ODAD2: variants seen among roughly 807,000 people sequenced by gnomAD.
ODAD2 encodes outer dynein arm docking complex subunit 2.
In ODAD2, 89 loss-of-function variants were observed where a neutral mutation model predicts 106.8. The observed-to-expected ratio is 0.83, with a 90% CI of 0.70 to 0.99. The LOEUF is 0.99. Ranked by LOEUF, ODAD2 falls within the 50% of genes least tolerant of loss-of-function variation. ODAD2 has a pLI of 0.00. For missense variants in ODAD2, 1,168 were observed against 1,238.5 expected (o/e 0.94, Z 0.85); for synonymous variants, 404 against 436.2 (o/e 0.93, Z 0.92).
At chr10:27,964,542 C>G (rs1435019050) in intron 9 of ODAD2, among the ~76,000 whole-genome samples, 1 of 152,190 alleles carries the variant, frequency 6.6e-6, no homozygotes, top group Non-Finnish European at 1.5e-5. Context: ...TTGAAGAATG[C>G]TGTCTTTCGG....
chr10:27,828,269 T>A (rs935689982), intron 19 of ODAD2, among the ~76,000 whole-genome samples: 1 of 152,162 alleles, frequency 6.6e-6, no homozygotes, highest in Non-Finnish European at 1.5e-5. Flanking sequence ...TTCCCTGATA[T>A]GATGATTTCC....
chr10:27,841,282 T>C (rs1838286655), intron 19 of ODAD2, among the ~76,000 whole-genome samples: 1 of 152,222 alleles, frequency 6.6e-6, no homozygotes, highest in South Asian at 2.1e-4. Context: ...TAATTCTTCC[T>C]GTTCCCTTAA....
chr10:27,911,633 C>T (rs1844022151), intron 16 of ODAD2, among the ~76,000 whole-genome samples: 1 of 152,200 alleles, frequency 6.6e-6, no homozygotes, highest in Non-Finnish European at 1.5e-5. Context: ...TTGCTGTTTC[C>T]CAGCCATCTC....
Position 27,935,016 on chromosome 10 carries a change from C to G in ODAD2, c.2489G>C (p.Ser830Thr), listed in dbSNP as rs1845863925. 2 of 1,613,820 alleles carry G rather than the reference C, an allele frequency of 1.2e-6. No individual in the cohort carries two copies. Among genetic ancestry groups the G allele is most frequent in the African/African-American group, 1.3e-5 (1 of 74,922 alleles). Residue 830 changes from serine to threonine, a missense_variant, in exon 16 of 20, where the codon AGT becomes ACT. By Grantham distance (58) the Ser-to-Thr change is moderately conservative. Around this residue, in one of 3 missense-constraint regions of ODAD2, gnomAD observed 701 missense variants for 712.3 expected, o/e 0.98. Coordinates refer to ENST00000305242, the MANE Select transcript of ODAD2 (RefSeq NM_018076.5). Reference sequence around the variant, plus strand: ...CATCTCCAGGGCCACTTACATCATACTTTCAGGTTCTACTGCACAAGCACC... The same window carrying G: ...CATCTCCAGGGCCACTTACATCATAGTTTCAGGTTCTACTGCACAAGCACC... ...AVGACAVEPE[S>T]MMIIDRLDGV...
intron 19 of ODAD2, among the ~76,000 whole-genome samples, chr10:27,836,843 G>A (rs923747819): frequency 1.4e-4 from 21 of 152,144 alleles, no homozygotes; most frequent in African/African-American, 2.4e-5. Flanking sequence ...AATTATCAGA[G>A]CAAAAACTTG....
At position 27,822,009 on chromosome 10, in the gene ODAD2, A is replaced by G. The variant is rs61097928; in HGVS notation, c.3022-9384T>C. On this transcript the variant is annotated intron_variant, in intron 19 of 19. Coordinates refer to ENST00000305242, the MANE Select transcript of ODAD2 (RefSeq NM_018076.5). ...GCACTTTAAAACATCATTCAAACAA[A>G]TAACTTTTTACAACACTGGAGTGAA... Among the ~76,000 whole-genome samples, 1,288 of 152,298 alleles carry G rather than the reference A, an allele frequency of 8.5e-3. 18 individuals carry two copies. Among genetic ancestry groups the G allele is most frequent in the African/African-American group, 0.03 (1,233 of 41,554 alleles).
At chr10:27,902,193 C>T (rs1843257321) in intron 17 of ODAD2, among the ~76,000 whole-genome samples, 2 of 152,142 alleles carry the variant, frequency 1.3e-5, no homozygotes. Context: ...GAACAACCTG[C>T]TCCTGAATGA....
chr10:27,930,712 T>C (rs1387686260), intron 16 of ODAD2, among the ~76,000 whole-genome samples: 2 of 152,164 alleles, frequency 1.3e-5, no homozygotes, highest in Non-Finnish European at 2.9e-5. Context: ...TATACTGTTT[T>C]AACAGCCTTG....
Position 27,932,419 on chromosome 10 carries a change from C to T in ODAD2, c.2495+2591G>A, listed in dbSNP as rs189388160. On this transcript the variant is annotated intron_variant, in intron 16 of 19. Coordinates refer to ENST00000305242, the MANE Select transcript of ODAD2 (RefSeq NM_018076.5). ...AAATATTAAAAATTTCTAAGTTGAA[C>T]GATCATAAGTTGGGACCATCTGTAT... 1.4e-3 allele frequency among the ~76,000 whole-genome samples: 214 copies of T among 152,092 alleles called. 1 individual carries two copies. Among genetic ancestry groups the T allele is most frequent in the Non-Finnish European group, 1.2e-3 (80 of 67,988 alleles).
chr10:27,928,685 G>A (rs1218428010), intron 16 of ODAD2, among the ~76,000 whole-genome samples: 1 of 151,988 alleles, frequency 6.6e-6, no homozygotes, highest in Non-Finnish European at 1.5e-5. Flanking sequence ...CAATCAAGAG[G>A]CAAAATCATC....
intron 16 of ODAD2, among the ~76,000 whole-genome samples, chr10:27,926,733 T>C (rs1029489322): frequency 1.3e-5 from 2 of 152,166 alleles, no homozygotes; most frequent in African/African-American, 4.8e-5. Context: ...GAAAAATAAA[T>C]CATAGATATT....
chr10:27,823,638 T>C (rs1482002244), intron 19 of ODAD2, among the ~76,000 whole-genome samples: 1 of 152,264 alleles, frequency 6.6e-6, no homozygotes, highest in East Asian at 1.9e-4. Flanking sequence ...ACTCTTGTTA[T>C]ATTGACTTGG....
At chr10:27,975,079 C>T (rs1369082227) in intron 7 of ODAD2, among the ~76,000 whole-genome samples, 1 of 152,046 alleles carries the variant, frequency 6.6e-6, no homozygotes, top group African/African-American at 2.4e-5. Flanking sequence ...GATTTTTGTA[C>T]GTTGATACAT....
chr10:27,942,554 A>G (rs1431343178), intron 12 of ODAD2, among the ~76,000 whole-genome samples: 2 of 152,246 alleles, frequency 1.3e-5, no homozygotes, highest in African/African-American at 2.4e-5. Flanking sequence ...AATGTGATGC[A>G]TAAAACATAT....
At chr10:27,969,551 C>G (rs1249992595) in intron 8 of ODAD2, among the ~76,000 whole-genome samples, 1 of 152,246 alleles carries the variant, frequency 6.6e-6, no homozygotes, top group Non-Finnish European at 1.5e-5. Context: ...TTCACATTGA[C>G]TCTTTCAAAC....
Position 27,981,508 on chromosome 10 carries a change from T to TA in ODAD2, c.893dup (p.Leu298PhefsTer14). 6.5e-7 allele frequency: 1 copy of TA among 1,533,480 alleles called. No homozygotes were observed. The highest frequency in any genetic ancestry group is 8.7e-7 in the Non-Finnish European group (1 of 1,152,408). 95.0% of individuals were successfully genotyped at this position (1,533,480 alleles called of 1,614,324 possible). On this transcript the variant is annotated frameshift_variant, in exon 7 of 20. Transcript: ENST00000305242. LOFTEE classifies it high-confidence loss of function. The stretch of plus-strand genomic sequence containing the variant: ...CTGAAAATTTTGGTGATTTTTCTCT[T>TA]AAAAATGTGACAAGGTTTTTATAAA...
intron 10 of ODAD2, among the ~76,000 whole-genome samples, chr10:27,949,522 C>A (rs982090928): frequency 6.6e-6 from 1 of 152,026 alleles, no homozygotes; most frequent in African/African-American, 2.4e-5. Flanking sequence ...GTCCACCAGT[C>A]GGAGCAAACA....
chr10:27,911,687 C>T (rs554276491), intron 16 of ODAD2, among the ~76,000 whole-genome samples: 92 of 152,262 alleles, frequency 6.0e-4, no homozygotes, highest in Non-Finnish European at 5.9e-4. Context: ...TACAACAAAA[C>T]CTCTTTCGCA....
intron 19 of ODAD2, among the ~76,000 whole-genome samples, chr10:27,844,129 A>C (rs905808757): frequency 6.6e-6 from 1 of 152,182 alleles, no homozygotes; most frequent in African/African-American, 2.4e-5. Flanking sequence ...CAGGAGTTAG[A>C]GGCTTCAGTG....
Sources: gnomAD v4.1 joint callset for allele counts (sites outside exome capture counted in the v4.1 genomes callset) on GRCh38, gnomAD v4.1.1 for gene constraint, gnomAD v4.1.1 regional missense constraint, MANE v1.5 for transcripts, NCBI Gene and HGNC (gene_info 2026-07-23, HGNC 2026-07-21) for gene names.